The following ZNF517 variants were observed in gnomAD, a reference collection of about 807,000 sequenced individuals.
The protein encoded by ZNF517 is zinc finger protein 517.
A neutral mutation model predicts 12.1 loss-of-function variants in ZNF517; 12 were observed. That is an observed-to-expected ratio of 0.99 (90% CI 0.63 to 1.61). The LOEUF is 1.61. Ranked by LOEUF, ZNF517 falls within the 40% of genes most tolerant of loss-of-function variation. ZNF517 has a pLI of 0.00. For missense variants in ZNF517, 781 were observed against 693.2 expected (o/e 1.13, Z -1.42); for synonymous variants, 388 against 310.2 (o/e 1.25, Z -2.63).
Position 144,808,119 on chromosome 8 carries a change from C to T in ZNF517, c.1203C>T (p.Cys401=), listed in dbSNP as rs573515920. 3.8e-5 allele frequency: 62 copies of T among 1,612,372 alleles called. No homozygotes were observed. The highest frequency in any genetic ancestry group is 6.6e-5 in the South Asian group (6 of 90,986). ...AGAAGCCGTTCGAGTGCGCGGAGTGCGGCAAGGCCTTCGGTCGCAAGTCCA... is the reference window on the plus strand; with the variant it reads ...AGAAGCCGTTCGAGTGCGCGGAGTGTGGCAAGGCCTTCGGTCGCAAGTCCA... ...TGEKPFECAE[C]GKAFGRKSNL... Residue 401 remains cysteine, a synonymous_variant, in exon 5 of 5, where the codon TGC becomes TGT. Transcript: ENST00000359971.
chr8:144,804,386 T>C (rs759020846), intron 4 of ZNF517, 148 bp downstream of exon 4: 88 of 607,896 alleles, frequency 1.4e-4, no homozygotes, highest in Non-Finnish European at 2.3e-4. Flanking sequence ...CTGCCTTGCT[T>C]GTAGGTCTAA....
chr8:144,806,179 G>T (rs1256199785), intron 4 of ZNF517, among the ~76,000 whole-genome samples: 2 of 152,228 alleles, frequency 1.3e-5, no homozygotes, highest in African/African-American at 4.8e-5. Context: ...AGTGGAGGCT[G>T]CAGAAAGAAC....
chr8:144,801,621 G>A (rs1826966472), intron 1 of ZNF517, among the ~76,000 whole-genome samples: 1 of 152,164 alleles, frequency 6.6e-6, no homozygotes, highest in African/African-American at 2.4e-5. Context: ...GAGACTACAG[G>A]TGCCTGCCAC....
At position 144,809,108 on chromosome 8, in the gene ZNF517, G is replaced by A. The variant is rs1016066389; in HGVS notation, c.*713G>A. On this transcript the variant is annotated 3_prime_UTR_variant, in exon 5 of 5. Coordinates refer to ENST00000359971, the MANE Select transcript of ZNF517 (RefSeq NM_213605.3). ...CTGCAGTGAGCTATGATAGCACCAC[G>A]GCACTCCAACCTGGTTGACAGAGTG... is the stretch of plus-strand genomic sequence containing the variant. 5.9e-5 allele frequency: 9 copies of A among 151,572 alleles called. No homozygotes were observed. The highest frequency in any genetic ancestry group is 2.0e-4 in the East Asian group (1 of 5,084). The allele number at this position is 151,572 out of a possible 1,614,324, so 9.4% of individuals were successfully genotyped here.
rs948027815 is a variant in ZNF517 at position 144,808,491 on chromosome 8, A to G, written c.*96A>G. The G allele has an allele frequency of 1.5e-6, 2 of 1,378,766 alleles. No homozygotes were observed. The highest frequency in any genetic ancestry group is 9.4e-7 in the Non-Finnish European group (1 of 1,066,772). 85.4% of individuals were successfully genotyped at this position (1,378,766 alleles called of 1,614,324 possible). A position where few individuals can be genotyped will look rare whatever the true frequency, so the allele number is the denominator to read the frequency against. ...TCAGAACCCCCTGTCCTGAAGGTGA[A>G]GCAAAGTCTAAAGAAAGGGCCAGCT... On this transcript the variant is annotated 3_prime_UTR_variant, in exon 5 of 5. Transcript: ENST00000359971.
chr8:144,802,559 A>G (rs999213333), intron 1 of ZNF517, among the ~76,000 whole-genome samples: 6 of 152,192 alleles, frequency 3.9e-5, no homozygotes, highest in Non-Finnish European at 8.8e-5. Flanking sequence ...GTCAGATGGC[A>G]TAGTGCTATG....
chr8:144,800,398 C>T (rs1826898914), intron 1 of ZNF517: 1 of 834,368 alleles, frequency 1.2e-6, no homozygotes, highest in African/African-American at 1.8e-5. Flanking sequence ...GACATGCACT[C>T]CCTAGACATG....
chr8:144,807,484 T>A lies in ZNF517; in HGVS notation c.568T>A (p.Ser190Thr). 1 of 1,583,682 alleles carries A rather than the reference T, an allele frequency of 6.3e-7. No individual in the cohort carries two copies. Among genetic ancestry groups the A allele is most frequent in the African/African-American group, 1.3e-5 (1 of 74,078 alleles). Residue 190 changes from serine (S) to threonine (T), a missense_variant, in exon 5 of 5, where the codon TCG becomes ACG. Physicochemically the swap from Ser to Thr is moderately conservative, Grantham distance 58. Transcript: ENST00000359971. Reference sequence around the variant, plus strand: ...GTGCGGCAAGGCGTTCAGATACAACTCGCTGCTTCTCAGGCACCAGATCAT... The same window carrying A: ...GTGCGGCAAGGCGTTCAGATACAACACGCTGCTTCTCAGGCACCAGATCAT... ...CVCGKAFRYN[S>T]LLLRHQIIHT...
At chr8:144,811,372 G>A (rs536991788), downstream of ZNF517, among the ~76,000 whole-genome samples, 12 of 152,346 alleles carry the variant, frequency 7.9e-5, no homozygotes, top group Non-Finnish European at 1.2e-4. Flanking sequence ...TGCAGCGCCT[G>A]AGACAGGGTG....
chr8:144,807,955 G>A lies in ZNF517; in HGVS notation c.1039G>A (p.Gly347Ser), dbSNP rs375513143. ...RLHAQEGAQDGGVGQGALLGA... is the reference protein window; with the variant it reads ...RLHAQEGAQDSGVGQGALLGA... ...GCACGCGCAGGAGGGTGCCCAGGACGGCGGCGTGGGGCAGGGCGCCCTGCT... is the reference window on the plus strand; with the variant it reads ...GCACGCGCAGGAGGGTGCCCAGGACAGCGGCGTGGGGCAGGGCGCCCTGCT... Residue 347 changes from glycine to serine, a missense_variant, in exon 5 of 5, where the codon GGC becomes AGC. Gly to Ser is a moderately conservative substitution (Grantham distance 56, BLOSUM62 0). Transcript: ENST00000359971. 1.3e-5 allele frequency: 20 copies of A among 1,500,814 alleles called. 1 individual carries two copies. The African/African-American group carries it at 1.5e-4, about 11-fold the overall frequency. The allele number at this position is 1,500,814 out of a possible 1,614,324, so 93.0% of individuals were successfully genotyped here.
downstream of ZNF517, among the ~76,000 whole-genome samples, chr8:144,813,398 TCACA>T (rs934794086): frequency 6.7e-6 from 1 of 149,344 alleles, no homozygotes. Context: ...GATGAATAGG[TCACA>T]CACACACAAA....
At chr8:144,802,545 T>A (rs564167496) in intron 1 of ZNF517, among the ~76,000 whole-genome samples, 1 of 152,156 alleles carries the variant, frequency 6.6e-6, no homozygotes, top group African/African-American at 2.4e-5. Context: ...TTAACTTGTC[T>A]TATGTCAGAT....
In ZNF517 at chr8:144,807,468, G is replaced by C. The variant is rs781674870; in HGVS notation, c.552G>C (p.Lys184Asn). 2 of 1,579,212 alleles carry C rather than the reference G, an allele frequency of 1.3e-6. No homozygotes were observed. The highest frequency in any genetic ancestry group is 2.7e-5 in the African/African-American group (2 of 73,876). ...SAPRYRCVCGKAFRYNSLLLR... is the reference protein window; with the variant it reads ...SAPRYRCVCGNAFRYNSLLLR... ...CCCGCTACAGGTGCGTGTGCGGCAAGGCGTTCAGATACAACTCGCTGCTTC... is the reference window on the plus strand; with the variant it reads ...CCCGCTACAGGTGCGTGTGCGGCAACGCGTTCAGATACAACTCGCTGCTTC... Residue 184 changes from lysine (K) to asparagine (N), a missense_variant, in exon 5 of 5, where the codon AAG becomes AAC. Coordinates refer to ENST00000359971, the MANE Select transcript of ZNF517 (RefSeq NM_213605.3).
At chr8:144,812,162 T>G (rs371943442), downstream of ZNF517, among the ~76,000 whole-genome samples, 4,686 of 47,632 alleles carry the variant, frequency 0.098, no homozygotes, top group Middle Eastern at 0.16. Flanking sequence ...GGAGAGACAC[T>G]GACAGTAAAG....
chr8:144,812,963 A>G (rs1386877468), downstream of ZNF517, among the ~76,000 whole-genome samples: 2 of 152,160 alleles, frequency 1.3e-5, no homozygotes, highest in South Asian at 2.1e-4. Context: ...ACCAAAAAAA[A>G]CCAGGAAAGC....
In ZNF517 at chr8:144,804,082, C is replaced by A. The variant is rs551783686; in HGVS notation, c.161-43C>A. On this transcript the variant is annotated intron_variant, in intron 3 of 4. Transcript: ENST00000359971. ...AGCCAGGCACCTGGGCGTCCCTTCTCCCTCCTGTACTGATACGTGCTGCTT... is the reference window on the plus strand; with the variant it reads ...AGCCAGGCACCTGGGCGTCCCTTCTACCTCCTGTACTGATACGTGCTGCTT... The A allele has an allele frequency of 1.7e-5, 27 of 1,581,020 alleles. No individual in the cohort carries two copies. The South Asian group carries it at 2.8e-4, about 17-fold the overall frequency.
At chr8:144,800,758 C>A in intron 1 of ZNF517, 1 of 934,454 alleles carries the variant, frequency 1.1e-6, no homozygotes. Flanking sequence ...CCTTCGTACC[C>A]TAACATGTCA....
chr8:144,802,964 C>G lies in ZNF517; in HGVS notation c.33+17C>G. The G allele has an allele frequency of 6.2e-7, 1 of 1,613,778 alleles. No homozygotes were observed. The highest frequency in any genetic ancestry group is 8.5e-7 in the Non-Finnish European group (1 of 1,179,860). ...GGACCTCAGGTGAGCACCCCCTGAGCCCGTCCATTGCCCCAGGAGACTGCT... is the reference window on the plus strand; with the variant it reads ...GGACCTCAGGTGAGCACCCCCTGAGGCCGTCCATTGCCCCAGGAGACTGCT... On this transcript the variant is annotated intron_variant, in intron 2 of 4. Transcript: ENST00000359971.
Position 144,807,187 on chromosome 8 carries a change from T to C in ZNF517, c.275-4T>C. ...ATCCTTCCGTTTTCTGTTCCTTCTCTCAGATTCCAGGATGGAGGCTGGGAT... is the reference window on the plus strand; with the variant it reads ...ATCCTTCCGTTTTCTGTTCCTTCTCCCAGATTCCAGGATGGAGGCTGGGAT... On this transcript the variant is annotated splice_polypyrimidine_tract_variant and splice_region_variant and intron_variant, in intron 4 of 4. Coordinates refer to ENST00000359971, the MANE Select transcript of ZNF517 (RefSeq NM_213605.3). 1 of 1,517,572 alleles carries C rather than the reference T, an allele frequency of 6.6e-7. No individual in the cohort carries two copies. The highest frequency in any genetic ancestry group is 8.8e-7 in the Non-Finnish European group (1 of 1,134,204). The allele number at this position is 1,517,572 out of a possible 1,614,324, so 94.0% of individuals were successfully genotyped here.
Sources: allele counts gnomAD v4.1 joint callset (sites outside exome capture counted in the v4.1 genomes callset), GRCh38; gene constraint gnomAD v4.1.1; transcripts MANE v1.5; gene names NCBI Gene and HGNC (gene_info 2026-07-23, HGNC 2026-07-21).